RTP3: variants seen among roughly 807,000 people sequenced by gnomAD.
RTP3 encodes the protein receptor-transporting protein 3.
A neutral mutation model predicts 6.2 loss-of-function variants in RTP3; 2 were observed. The observed-to-expected ratio is 0.32, with a 90% confidence interval of 0.13 to 1.02. The LOEUF is 1.02. Ranked by LOEUF, RTP3 falls within the 50% of genes least tolerant of loss-of-function variation. RTP3 has a pLI of 0.47. For synonymous variants in RTP3, 106 were observed against 98.3 expected (o/e 1.08, Z -0.47); for missense variants, 252 against 280.8 (o/e 0.90, Z 0.73).
chr3:46,498,098 T>C lies in RTP3; in HGVS notation c.36T>C (p.Phe12=). The C allele has an allele frequency of 1.2e-6, 2 of 1,614,188 alleles. No homozygotes were observed. Among genetic ancestry groups the C allele is most frequent in the Non-Finnish European group, 1.7e-6 (2 of 1,180,032 alleles). ...ACACAGAAGTGTGGAAGCAAATGTT[T>C]CAGGAGTTAATGCGGGAGGTGAAGC... is the stretch of plus-strand genomic sequence containing the variant. ...AGDTEVWKQM[F]QELMREVKPW... The change falls in exon 1 of 2, where the codon TTT becomes TTC. Residue 12 remains phenylalanine, a synonymous_variant. Transcript: ENST00000296142.
intron 1 of RTP3, among the ~76,000 whole-genome samples, chr3:46,499,314 C>T (rs1703680591): frequency 6.6e-6 from 1 of 152,192 alleles, no homozygotes; most frequent in African/African-American, 2.4e-5. Context: ...CCAAGGTCAC[C>T]GAAGCAGAGG....
intron 1 of RTP3, among the ~76,000 whole-genome samples, chr3:46,499,333 G>A (rs2106949158): frequency 2.0e-5 from 3 of 152,314 alleles, no homozygotes; most frequent in Admixed American, 2.0e-4. Context: ...GGAGGAGAGA[G>A]CTGGAATGTC....
chr3:46,500,138 C>G (rs1469972770), intron 1 of RTP3, among the ~76,000 whole-genome samples: 1 of 152,220 alleles, frequency 6.6e-6, no homozygotes, highest in Non-Finnish European at 1.5e-5. Context: ...GATCTAACAG[C>G]TTGCAATTCA....
chr3:46,498,933 A>G (rs1004921509), intron 1 of RTP3, among the ~76,000 whole-genome samples: 2 of 152,214 alleles, frequency 1.3e-5, no homozygotes, highest in Admixed American at 6.5e-5. Context: ...GTCTCAGTCC[A>G]TTTATCCATG....
Position 46,498,006 on chromosome 3 carries a change from C to T in RTP3, c.-57C>T. ...AAGTCAGAAACCTCATCTCCCACTACAGACCTGCCAGGGCCCAGGAGAGCT... is the reference window on the plus strand; with the variant it reads ...AAGTCAGAAACCTCATCTCCCACTATAGACCTGCCAGGGCCCAGGAGAGCT... On this transcript the variant is annotated 5_prime_UTR_variant, in exon 1 of 2. Coordinates refer to ENST00000296142, the MANE Select transcript of RTP3 (RefSeq NM_031440.2). 6.3e-7 allele frequency: 1 copy of T among 1,598,708 alleles called. No individual in the cohort carries two copies.
chr3:46,499,918 G>A (rs1416091182), intron 1 of RTP3, among the ~76,000 whole-genome samples: 3 of 152,028 alleles, frequency 2.0e-5, no homozygotes, highest in Non-Finnish European at 4.4e-5. Context: ...TGGATTTCAG[G>A]GTCCTGAACT....
In RTP3 at chr3:46,500,495, C is replaced by A. The variant is rs1259488891; in HGVS notation, c.295C>A (p.Pro99Thr). Residue 99 changes from proline (P) to threonine (T), a missense_variant, in exon 2 of 2, where the codon CCT (proline) becomes ACT (threonine). By Grantham distance (38) the Pro-to-Thr change is conservative. Coordinates refer to ENST00000296142, the MANE Select transcript of RTP3 (RefSeq NM_031440.2). ...FTQRCKKCPQPLFEDPEFTQE... is the reference protein window; with the variant it reads ...FTQRCKKCPQTLFEDPEFTQE... ...CCAGAGATGTAAGAAGTGCCCCCAA[C>A]CTCTGTTTGAGGACCCTGAGTTCAC... 1 of 1,614,080 alleles carries A rather than the reference C, an allele frequency of 6.2e-7. No individual in the cohort carries two copies. The highest frequency in any genetic ancestry group is 8.5e-7 in the Non-Finnish European group (1 of 1,180,044).
In RTP3 at chr3:46,500,725, G is replaced by A; in HGVS notation, c.525G>A (p.Gln175=). 6.2e-7 allele frequency: 1 copy of A among 1,614,002 alleles called. No individual in the cohort carries two copies. Among genetic ancestry groups the A allele is most frequent in the African/African-American group, 1.3e-5 (1 of 75,028 alleles). The change falls in exon 2 of 2, where the codon CAG becomes CAA. Residue 175 remains glutamine (Q), a synonymous_variant. Transcript: ENST00000296142. ...AGGTTACAAGCCTCCCCCCATCTCA[G>A]ACCCCAAGAGTACACTCCATTTACA... The part of the protein sequence containing the change: ...PIQVTSLPPS[Q]TPRVHSIYKV...
At chr3:46,499,395 C>T (rs1703681812) in intron 1 of RTP3, among the ~76,000 whole-genome samples, 1 of 152,218 alleles carries the variant, frequency 6.6e-6, no homozygotes, top group South Asian at 2.1e-4. Context: ...CACTGCTGGC[C>T]TCATCTCATT....
At position 46,498,186 on chromosome 3, in the gene RTP3, T is replaced by C; in HGVS notation, c.124T>C (p.Trp42Arg). 6.2e-7 allele frequency: 1 copy of C among 1,614,218 alleles called. No individual in the cohort carries two copies. The change falls in exon 1 of 2, where the codon TGG (tryptophan) becomes CGG (arginine). Residue 42 changes from tryptophan to arginine, a missense_variant. Trp to Arg is a moderately radical substitution (Grantham distance 101). Coordinates refer to ENST00000296142, the MANE Select transcript of RTP3 (RefSeq NM_031440.2). ...TCTTCCCAACGTCCTGAAGCCAGGC[T>C]GGATGCAATACCAGCAGTGGACCTT... is the stretch of plus-strand genomic sequence containing the variant. ...GLLPNVLKPG[W>R]MQYQQWTFAR...
At chr3:46,498,356 T>C in intron 1 of RTP3, 139 bp downstream of exon 1, 1 of 955,414 alleles carries the variant, frequency 1.0e-6, no homozygotes, top group Non-Finnish European at 1.6e-6. Context: ...TCCAAGAAGT[T>C]GTAACTTCAT....
chr3:46,500,442 G>T lies in RTP3; in HGVS notation c.242G>T (p.Arg81Met), dbSNP rs757647545. Residue 81 changes from arginine (R) to methionine (M), a missense_variant, in exon 2 of 2, where the codon AGG becomes ATG. Physicochemically the swap from Arg to Met is moderately conservative, Grantham distance 91. Transcript: ENST00000296142. ...ATGAACTGGAGTGAGGAGAAGTCCA[G>T]GGGCCAGGTGAAGATGAGGGTGTTT... The part of the protein sequence containing the change: ...FHMNWSEEKS[R>M]GQVKMRVFTQ... The T allele has an allele frequency of 6.2e-7, 1 of 1,614,206 alleles. No individual in the cohort carries two copies. Among genetic ancestry groups the T allele is most frequent in the Non-Finnish European group, 8.5e-7 (1 of 1,180,040 alleles).
intron 1 of RTP3, 70 bp downstream of exon 1, chr3:46,498,287 T>C (rs1329936797): frequency 1.9e-6 from 3 of 1,548,484 alleles, no homozygotes; most frequent in Non-Finnish European, 2.7e-6. Flanking sequence ...TACCTGTTAC[T>C]TTTCTTGTTC....
Position 46,498,213 on chromosome 3 carries a change from G to T in RTP3, c.151G>T (p.Ala51Ser). The T allele has an allele frequency of 3.7e-6, 6 of 1,614,150 alleles. No individual in the cohort carries two copies. The highest frequency in any genetic ancestry group is 2.2e-5 in the South Asian group (2 of 91,076). The change falls in exon 1 of 2, where the codon GCC becomes TCC. Residue 51 changes from alanine (A) to serine (S), a missense_variant. Coordinates refer to ENST00000296142, the MANE Select transcript of RTP3 (RefSeq NM_031440.2). ...GWMQYQQWTF[A>S]RFQCSSCSRN... ...GATGCAATACCAGCAGTGGACCTTC[G>T]CCAGGTGAGGGGGAATGTGATGGTA... is the stretch of plus-strand genomic sequence containing the variant.
chr3:46,500,165 C>T (rs1180871791), intron 1 of RTP3, among the ~76,000 whole-genome samples, 191 bp from the exon 2 acceptor site: 2 of 152,316 alleles, frequency 1.3e-5, no homozygotes, highest in East Asian at 3.9e-4. Context: ...TCATAGCAGA[C>T]ACTGTGCAGC....
intron 1 of RTP3, among the ~76,000 whole-genome samples, chr3:46,499,897 A>G (rs1355492552): frequency 6.6e-6 from 1 of 152,080 alleles, no homozygotes; most frequent in African/African-American, 2.4e-5. Flanking sequence ...ACACCCACCT[A>G]TAGGCATTTG....
rs1421803274 is a variant in RTP3, at chr3:46,498,145, G to T, written c.83G>T (p.Arg28Ile). ...EVKPWHRWTLRPDKGLLPNVL... is the reference protein window; with the variant it reads ...EVKPWHRWTLIPDKGLLPNVL... Reference sequence around the variant, plus strand: ...AAGCCATGGCACAGGTGGACCCTGAGACCAGACAAGGGCCTTCTTCCCAAC... The same window carrying T: ...AAGCCATGGCACAGGTGGACCCTGATACCAGACAAGGGCCTTCTTCCCAAC... The change falls in exon 1 of 2, where the codon AGA becomes ATA. Residue 28 changes from arginine to isoleucine, a missense_variant. Arg to Ile is a moderately conservative substitution (Grantham distance 97, BLOSUM62 -3). Coordinates refer to ENST00000296142, the MANE Select transcript of RTP3 (RefSeq NM_031440.2). 1.9e-6 allele frequency: 3 copies of T among 1,614,224 alleles called. No individual in the cohort carries two copies. Among genetic ancestry groups the T allele is most frequent in the Non-Finnish European group, 2.5e-6 (3 of 1,180,052 alleles).
chr3:46,500,053 AT>A (rs1272675383), intron 1 of RTP3, among the ~76,000 whole-genome samples: 1 of 152,336 alleles, frequency 6.6e-6, no homozygotes, highest in East Asian at 1.9e-4. Flanking sequence ...GTCTCTGGAC[AT>A]GAGGAGTTTC....
At position 46,498,530 on chromosome 3, in the gene RTP3, G is replaced by A. The variant is rs532635968; in HGVS notation, c.155+313G>A. On this transcript the variant is annotated intron_variant, in intron 1 of 1. Coordinates refer to ENST00000296142, the MANE Select transcript of RTP3 (RefSeq NM_031440.2). ...AAGGGCAGCTGTTGCACCCACGGGC[G>A]GTGCATGTGCCCCATGCCTAGGGAG... Among the ~76,000 whole-genome samples, 26 of 152,262 alleles carry A rather than the reference G, an allele frequency of 1.7e-4. 1 individual carries two copies. The highest frequency in any genetic ancestry group is 3.9e-4 in the East Asian group (2 of 5,172).
Sources: allele counts gnomAD v4.1 joint callset (sites outside exome capture counted in the v4.1 genomes callset), GRCh38; gene constraint gnomAD v4.1.1; transcripts MANE v1.5; gene names NCBI Gene and HGNC (gene_info 2026-07-23, HGNC 2026-07-21).